ALDH3A2: variants seen among roughly 807,000 people sequenced by gnomAD.
ALDH3A2 encodes aldehyde dehydrogenase family 3 member A2.
Under a neutral mutation model 51.3 loss-of-function variants are expected in ALDH3A2, and 36 were observed. That is an observed-to-expected ratio of 0.70 (90% CI 0.54 to 0.93). The LOEUF is 0.93. Among genes scored for constraint, ALDH3A2 ranks in the 40% least tolerant of loss-of-function variants. The pLI, the probability that ALDH3A2 is intolerant of heterozygous loss-of-function variation, is 0.00. For missense variants in ALDH3A2, 552 were observed against 603.1 expected (o/e 0.92, Z 0.89); for synonymous variants, 199 against 219.8 (o/e 0.91, Z 0.84).
At chr17:19,673,303 T>C (rs2085143899) in intron 9 of ALDH3A2, 7 of 1,612,340 alleles carry the variant, frequency 4.3e-6, no homozygotes. Flanking sequence ...TCTTTCTATA[T>C]GTAAGGTGGG....
At chr17:19,661,434 TA>T (rs979656869) in intron 6 of ALDH3A2, 166 bp downstream of exon 6, 1 of 792,480 alleles carries the variant, frequency 1.3e-6, no homozygotes, top group African/African-American at 1.7e-5. Context: ...ATAAACTATT[TA>T]AAATGTCTGT....
At chr17:19,656,045 T>TA in intron 3 of ALDH3A2, 1 of 385,018 alleles carries the variant, frequency 2.6e-6, no homozygotes, top group East Asian at 6.2e-5. Context: ...CAGAGGCACT[T>TA]CTGCACACAC....
At chr17:19,663,232 GA>G in intron 6 of ALDH3A2, 100 bp from the exon 7 acceptor site, 2 of 1,366,278 alleles carry the variant, frequency 1.5e-6, no homozygotes, top group Non-Finnish European at 2.1e-6. Context: ...TTGGGTGGGA[GA>G]GGGAAAGGCA....
At position 19,654,937 on chromosome 17, in the gene ALDH3A2, A is replaced by G. The variant is rs2084874853; in HGVS notation, c.472-1429A>G. On this transcript the variant is annotated intron_variant, in intron 3 of 9. Coordinates refer to ENST00000176643, the MANE Select transcript of ALDH3A2 (RefSeq NM_000382.3). The surrounding 1 kb of genome is among the most constrained non-coding windows in gnomAD (Gnocchi z 4.5). The stretch of plus-strand genomic sequence containing the variant: ...TCTGTGGCATGAAAACATGCCACAC[A>G]TACACAAAAAGTGCCCTCCTGAACT... 6.6e-6 allele frequency among the ~76,000 whole-genome samples: 1 copy of G among 152,234 alleles called. No individual in the cohort carries two copies. Among genetic ancestry groups the G allele is most frequent in the Non-Finnish European group, 1.5e-5 (1 of 68,042 alleles).
Position 19,652,666 on chromosome 17 carries a change from GT to G in ALDH3A2, c.471+37del. Reference sequence around the variant, plus strand: ...TTCTTGACTCATCTCCAACATATGTGTTTACTGTGGAAAACACACATTTTAT... The same window carrying G: ...TTCTTGACTCATCTCCAACATATGTGTTACTGTGGAAAACACACATTTTAT... On this transcript the variant is annotated intron_variant, in intron 3 of 9. Coordinates refer to ENST00000176643, the MANE Select transcript of ALDH3A2 (RefSeq NM_000382.3). 2.0e-6 allele frequency: 3 copies of G among 1,490,570 alleles called. No homozygotes were observed. In the Admixed American group the frequency reaches 5.0e-5, roughly 25 times the overall value. 92.3% of individuals were successfully genotyped at this position (1,490,570 alleles called of 1,614,324 possible).
At chr17:19,656,723 A>C (rs2152328404) in intron 4 of ALDH3A2, 149 bp downstream of exon 4, 4 of 822,516 alleles carry the variant, frequency 4.9e-6, no homozygotes, top group Admixed American at 2.1e-5. Context: ...GAGTAACAGG[A>C]GTCTTTCACT....
chr17:19,652,280 C>T (rs1019224116), intron 2 of ALDH3A2, among the ~76,000 whole-genome samples: 4 of 152,068 alleles, frequency 2.6e-5, no homozygotes, highest in African/African-American at 4.8e-5. Context: ...AATCTAAGGG[C>T]AGAAGTGGGA....
chr17:19,671,825 C>CTCAGATATCCTCCCA lies in ALDH3A2; in HGVS notation c.1313_1327dup (p.Pro442_Asn443insIleArgTyrProPro). ...TTTAAAGAGAGAAGGTGCTAACAAA[C>CTCAGATATCCTCCCA]TCAGATATCCTCCCAACAGCCAGTC... On this transcript the variant is annotated inframe_insertion, in exon 9 of 10. Transcript: ENST00000176643. The CTCAGATATCCTCCCA allele has an allele frequency of 1.2e-6, 2 of 1,614,172 alleles. No individual in the cohort carries two copies. The highest frequency in any genetic ancestry group is 1.7e-6 in the Non-Finnish European group (2 of 1,180,010).
rs537258173 is a variant in ALDH3A2 at position 19,675,579 on chromosome 17, A to C, written c.*7A>C. Reference sequence around the variant, plus strand: ...CCAGGCAGAATATTACTGAAGAATGATCCTGTTCAACCTCCTAGTGCCTCT... The same window carrying C: ...CCAGGCAGAATATTACTGAAGAATGCTCCTGTTCAACCTCCTAGTGCCTCT... On this transcript the variant is annotated 3_prime_UTR_variant, in exon 10 of 10. Coordinates refer to ENST00000176643, the MANE Select transcript of ALDH3A2 (RefSeq NM_000382.3). The C allele has an allele frequency of 3.1e-6, 5 of 1,612,842 alleles. No homozygotes were observed. Among genetic ancestry groups the C allele is most frequent in the Non-Finnish European group, 4.2e-6 (5 of 1,178,840 alleles).
rs749347368 is a variant in ALDH3A2, at chr17:19,648,759, C to G, written c.-213C>G. On this transcript the variant is annotated 5_prime_UTR_variant, in exon 1 of 10. Coordinates refer to ENST00000176643, the MANE Select transcript of ALDH3A2 (RefSeq NM_000382.3). The stretch of plus-strand genomic sequence containing the variant: ...GGCTTTGGGTCGAGCTCAGTCCTCC[C>G]CCGGCGCCTCCGACTGGCAGTGGGA... 9.2e-6 allele frequency: 6 copies of G among 649,714 alleles called. No homozygotes were observed. The highest frequency in any genetic ancestry group is 2.8e-5 in the Admixed American group (1 of 36,234). 40.2% of individuals were successfully genotyped at this position (649,714 alleles called of 1,614,324 possible).
Position 19,649,034 on chromosome 17 carries a change from G to A in ALDH3A2, c.63G>A (p.Arg21=). ...AFLSGRSRPL[R]FRLQQLEALR... Reference sequence around the variant, plus strand: ...TGTCCGGCCGGTCGCGACCTCTGCGGTTTCGGCTGCAGCAGCTGGAGGCCC... The same window carrying A: ...TGTCCGGCCGGTCGCGACCTCTGCGATTTCGGCTGCAGCAGCTGGAGGCCC... The change falls in exon 1 of 10, where the codon CGG becomes CGA. Residue 21 remains arginine (R), a synonymous_variant. Coordinates refer to ENST00000176643, the MANE Select transcript of ALDH3A2 (RefSeq NM_000382.3). 6.3e-7 allele frequency: 1 copy of A among 1,583,646 alleles called. No homozygotes were observed. The highest frequency in any genetic ancestry group is 8.6e-7 in the Non-Finnish European group (1 of 1,165,294).
chr17:19,648,624 C>G (rs751031361), upstream of ALDH3A2: 2 of 367,206 alleles, frequency 5.4e-6, no homozygotes, highest in Admixed American at 8.0e-5. Context: ...ACTGCTCACT[C>G]CACCCCCTAC....
chr17:19,668,309 G>C (rs368482923), intron 8 of ALDH3A2, among the ~76,000 whole-genome samples: 5 of 151,978 alleles, frequency 3.3e-5, no homozygotes, highest in African/African-American at 7.3e-5. Flanking sequence ...GTGCAATGGC[G>C]CGACCTCGGT....
At chr17:19,664,114 T>C (rs1196300553) in intron 7 of ALDH3A2, among the ~76,000 whole-genome samples, 1 of 152,208 alleles carries the variant, frequency 6.6e-6, no homozygotes, top group African/African-American at 2.4e-5. Flanking sequence ...TAGATAGTCA[T>C]GTGACAGCTT....
chr17:19,660,561 G>C (rs1057386352), intron 5 of ALDH3A2, among the ~76,000 whole-genome samples: 1 of 152,232 alleles, frequency 6.6e-6, no homozygotes, highest in Admixed American at 6.5e-5. Flanking sequence ...ATTTACCAAA[G>C]CTGTATTTTG....
At chr17:19,673,337 G>C in intron 9 of ALDH3A2, 3 of 1,526,058 alleles carry the variant, frequency 2.0e-6, no homozygotes, top group African/African-American at 1.6e-5. Context: ...TGTTTTCAAG[G>C]GTTTTTTGGT....
At chr17:19,661,047 G>T in intron 5 of ALDH3A2, 80 bp from the exon 6 acceptor site, 1 of 1,381,308 alleles carries the variant, frequency 7.2e-7, no homozygotes, top group East Asian at 2.3e-5. Context: ...ATTGATTTTG[G>T]GGCATGGCTG....
At chr17:19,660,786 A>T (rs1439153580) in intron 5 of ALDH3A2, among the ~76,000 whole-genome samples, 1 of 152,138 alleles carries the variant, frequency 6.6e-6, no homozygotes, top group African/African-American at 2.4e-5. Context: ...CAAATAGGCA[A>T]CTCTGATGCA....
At chr17:19,672,344 T>C (rs962480472) in intron 9 of ALDH3A2, 3 of 238,190 alleles carry the variant, frequency 1.3e-5, no homozygotes, top group South Asian at 6.8e-5. Flanking sequence ...TATTGGACTT[T>C]CCTTGTCACT....
Sources: allele counts gnomAD v4.1 joint callset (sites outside exome capture counted in the v4.1 genomes callset), GRCh38; gene constraint gnomAD v4.1.1; non-coding constraint Gnocchi (gnomAD v3.1); transcripts MANE v1.5; gene names NCBI Gene and HGNC (gene_info 2026-07-23, HGNC 2026-07-21).